CDH12: variants seen among roughly 807,000 people sequenced by gnomAD.
The protein encoded by CDH12 is cadherin-12.
A neutral mutation model predicts 74.1 loss-of-function variants in CDH12; 41 were observed. That is an observed-to-expected ratio of 0.55 (90% CI 0.43 to 0.72). CDH12 has a LOEUF of 0.72. Ranked by LOEUF, CDH12 falls within the 30% of genes least tolerant of loss-of-function variation. CDH12 has a pLI of 0.00. For missense variants in CDH12, 945 were observed against 977.2 expected, an observed-to-expected ratio of 0.97 and a Z score of 0.44; for synonymous variants, 399 against 355.0, an observed-to-expected ratio of 1.12 and a Z score of -1.39.
At position 22,177,487 on chromosome 5, in the gene CDH12, T is replaced by A. The variant is rs186259416; in HGVS notation, c.-187+35011A>T. The stretch of plus-strand genomic sequence containing the variant: ...AGATATAGTATCAACTTAAAAAATT[T>A]CACAAATTCTTTGAAAATCCAACTA... On this transcript the variant is annotated intron_variant, in intron 4 of 14. Transcript: ENST00000382254. 4.0e-3 allele frequency among the ~76,000 whole-genome samples: 603 copies of A among 152,278 alleles called. 8 individuals are homozygous for A. Among genetic ancestry groups the A allele is most frequent in the African/African-American group, 0.014 (567 of 41,554 alleles).
intron 5 of CDH12, among the ~76,000 whole-genome samples, chr5:22,070,168 T>TA (rs1265868924): frequency 6.6e-6 from 1 of 152,196 alleles, no homozygotes; most frequent in Non-Finnish European, 1.5e-5. Context: ...TCATGGTATT[T>TA]AAAAATCGTT....
At chr5:22,499,417 T>C (rs2126653168) in intron 2 of CDH12, among the ~76,000 whole-genome samples, 1 of 152,280 alleles carries the variant, frequency 6.6e-6, no homozygotes, top group Non-Finnish European at 1.5e-5. Flanking sequence ...TCTAGCTGGG[T>C]ACCTAAAGTT....
At chr5:22,844,481 G>A (rs1377332887) in intron 1 of CDH12, among the ~76,000 whole-genome samples, 2 of 152,058 alleles carry the variant, frequency 1.3e-5, no homozygotes, top group Non-Finnish European at 2.9e-5. Flanking sequence ...AGGACTTAGA[G>A]TCTATTAGAT....
chr5:21,882,806 C>T, intron 6 of CDH12: 3 of 1,563,536 alleles, frequency 1.9e-6, no homozygotes, highest in African/African-American at 1.4e-5. Flanking sequence ...GAAGTCCCAA[C>T]GTAACAAAAG....
At chr5:21,873,708 G>A (rs981354587) in intron 6 of CDH12, among the ~76,000 whole-genome samples, 1 of 152,136 alleles carries the variant, frequency 6.6e-6, no homozygotes, top group Non-Finnish European at 1.5e-5. Flanking sequence ...GTGCCATGGT[G>A]GTTTGCTGCA....
intron 1 of CDH12, among the ~76,000 whole-genome samples, chr5:22,702,445 G>T (rs555980654): frequency 2.6e-5 from 4 of 151,912 alleles, no homozygotes; most frequent in Admixed American, 6.6e-5. Context: ...CTCCTTCTCT[G>T]GTGTTTTCTC....
At chr5:22,372,630 C>T (rs920920538) in intron 3 of CDH12, among the ~76,000 whole-genome samples, 1 of 152,044 alleles carries the variant, frequency 6.6e-6, no homozygotes, top group African/African-American at 2.4e-5. Context: ...TCACACATCT[C>T]GAAAACAAAC....
In CDH12 at chr5:22,018,991, C is replaced by T. The variant is rs141159146; in HGVS notation, c.232-43606G>A. Among the ~76,000 whole-genome samples, 161 of 151,310 alleles carry T rather than the reference C, an allele frequency of 1.1e-3. 4 individuals are homozygous for T. Among genetic ancestry groups the T allele is most frequent in the African/African-American group, 3.4e-3 (138 of 41,096 alleles). The stretch of plus-strand genomic sequence containing the variant: ...GGTGGAATTGCTTGAACCTGGGAGG[C>T]GGAGGTTGCAGTGACCTGAGATTGT... On this transcript the variant is annotated intron_variant, in intron 5 of 14. Coordinates refer to ENST00000382254, the MANE Select transcript of CDH12 (RefSeq NM_004061.5).
chr5:22,551,062 G>C (rs538502053), intron 1 of CDH12, among the ~76,000 whole-genome samples: 61 of 152,222 alleles, frequency 4.0e-4, no homozygotes, highest in African/African-American at 1.2e-3. Flanking sequence ...AGTAATAATA[G>C]GATGATTTCC....
intron 3 of CDH12, among the ~76,000 whole-genome samples, chr5:22,316,798 A>C (rs1419940139): frequency 6.6e-6 from 1 of 152,136 alleles, no homozygotes; most frequent in Non-Finnish European, 1.5e-5. Flanking sequence ...CTATAATGAT[A>C]TATATTTATA....
intron 1 of CDH12, among the ~76,000 whole-genome samples, chr5:22,693,242 T>C (rs560435679): frequency 6.6e-6 from 1 of 152,358 alleles, no homozygotes; most frequent in East Asian, 1.9e-4. Flanking sequence ...ATTTTGTCTT[T>C]ATTCATTTAT....
intron 6 of CDH12, among the ~76,000 whole-genome samples, chr5:21,884,756 A>G (rs1752538478): frequency 6.6e-6 from 1 of 152,186 alleles, no homozygotes. Context: ...TGTGTAATAA[A>G]AATTTGTTTA....
intron 1 of CDH12, among the ~76,000 whole-genome samples, chr5:22,821,572 G>A (rs560535846): frequency 1.1e-4 from 16 of 152,220 alleles, no homozygotes; most frequent in African/African-American, 3.9e-4. Flanking sequence ...AAAATCACAA[G>A]CATTCTTATA....
At chr5:22,346,639 G>C (rs924187860) in intron 3 of CDH12, among the ~76,000 whole-genome samples, 3 of 152,152 alleles carry the variant, frequency 2.0e-5, no homozygotes, top group Non-Finnish European at 4.4e-5. Flanking sequence ...GAGTTGGTAC[G>C]TGGCATGAAA....
intron 3 of CDH12, chr5:22,278,182 TCA>T (rs1200789530): frequency 1.3e-5 from 2 of 152,194 alleles, no homozygotes; most frequent in Non-Finnish European, 2.9e-5. Context: ...AAATAAATTA[TCA>T]TAGAAATCAG....
chr5:21,840,236 C>T (rs1309189671), intron 8 of CDH12, among the ~76,000 whole-genome samples: 1 of 152,130 alleles, frequency 6.6e-6, no homozygotes, highest in Non-Finnish European at 1.5e-5. Context: ...CTCCATATTA[C>T]ATTAGATTTG....
intron 1 of CDH12, among the ~76,000 whole-genome samples, chr5:22,679,907 T>C (rs770459717): frequency 6.6e-6 from 1 of 152,124 alleles, no homozygotes; most frequent in Non-Finnish European, 1.5e-5. Context: ...GCGTTTGCTA[T>C]GTAGAGGTCT....
chr5:22,812,771 A>C (rs1000762048), intron 1 of CDH12, among the ~76,000 whole-genome samples: 3 of 152,144 alleles, frequency 2.0e-5, no homozygotes, highest in African/African-American at 7.2e-5. Context: ...TACAGTTCCT[A>C]TGTGAGTCAG....
chr5:21,832,189 C>A (rs530041743), intron 8 of CDH12, among the ~76,000 whole-genome samples: 1 of 152,182 alleles, frequency 6.6e-6, no homozygotes, highest in South Asian at 2.1e-4. Context: ...CTGCTAATGG[C>A]ACCATGAAAC....
Sources: gnomAD v4.1 joint callset for allele counts (sites outside exome capture counted in the v4.1 genomes callset) on GRCh38, gnomAD v4.1.1 for gene constraint, MANE v1.5 for transcripts, NCBI Gene and HGNC (gene_info 2026-07-23, HGNC 2026-07-21) for gene names.